The following ZCWPW2 variants were observed in gnomAD, a reference collection of about 807,000 sequenced individuals.
The protein encoded by ZCWPW2 is zinc finger CW-type PWWP domain protein 2.
A neutral mutation model predicts 46.6 loss-of-function variants in ZCWPW2; 45 were observed. The observed-to-expected ratio is 0.96, with a 90% CI of 0.76 to 1.24. ZCWPW2 has a LOEUF of 1.24. Among genes scored for constraint, ZCWPW2 ranks in the 50% most tolerant of loss-of-function variants. ZCWPW2 has a pLI of 0.00. For missense variants in ZCWPW2, 429 were observed against 403.9 expected (o/e 1.06, Z -0.53); for synonymous variants, 152 against 137.1 (o/e 1.11, Z -0.76).
At chr3:28,501,306 CTT>C (rs1301573537) in intron 6 of ZCWPW2, among the ~76,000 whole-genome samples, 1 of 152,112 alleles carries the variant, frequency 6.6e-6, no homozygotes, top group Admixed American at 6.6e-5. Flanking sequence ...GCAGAAGAGA[CTT>C]TCTTATTATG....
chr3:28,387,591 T>A lies in ZCWPW2; in HGVS notation c.-133-2907T>A, dbSNP rs534884402. 1.7e-3 allele frequency among the ~76,000 whole-genome samples: 266 copies of A among 152,372 alleles called. 1 individual carries two copies. The highest frequency in any genetic ancestry group is 6.3e-3 in the African/African-American group (260 of 41,590). ...AGTTTTTTCAAATATTAACATTTTA[T>A]TAGATTTGCTTTATTTATCTTTATG... On this transcript the variant is annotated intron_variant, in intron 1 of 9. Coordinates refer to ENST00000383768, the MANE Select transcript of ZCWPW2 (RefSeq NM_001040432.4).
At chr3:28,471,407 T>G (rs970300335) in intron 4 of ZCWPW2, among the ~76,000 whole-genome samples, 1 of 152,148 alleles carries the variant, frequency 6.6e-6, no homozygotes, top group Non-Finnish European at 1.5e-5. Flanking sequence ...TGATTCATTA[T>G]GATCAAGTGG....
intron 3 of ZCWPW2, among the ~76,000 whole-genome samples, chr3:28,420,516 C>G (rs892429906): frequency 6.6e-6 from 1 of 151,722 alleles, no homozygotes; most frequent in African/African-American, 2.4e-5. Context: ...TCCATGTGTT[C>G]TCATCATCAA....
At chr3:28,417,042 G>A (rs541553857) in intron 3 of ZCWPW2, among the ~76,000 whole-genome samples, 1 of 150,984 alleles carries the variant, frequency 6.6e-6, no homozygotes, top group East Asian at 1.9e-4. Flanking sequence ...AAATGAGTTA[G>A]GCAGGATTCC....
At chr3:28,453,371 A>G (rs1398860808) in intron 4 of ZCWPW2, among the ~76,000 whole-genome samples, 1 of 152,200 alleles carries the variant, frequency 6.6e-6, no homozygotes, top group African/African-American at 2.4e-5. Flanking sequence ...TTAAAAGTCC[A>G]AACTAAATAA....
At chr3:28,448,936 G>C (rs1048806245) in intron 4 of ZCWPW2, among the ~76,000 whole-genome samples, 1 of 150,762 alleles carries the variant, frequency 6.6e-6, no homozygotes, top group African/African-American at 2.4e-5. Flanking sequence ...AATTTATTTG[G>C]AATCTCAAGG....
intron 3 of ZCWPW2, among the ~76,000 whole-genome samples, chr3:28,421,834 TTGTGTGTGTGTGTGTGTGTG>T (rs71087697): frequency 8.2e-5 from 11 of 133,838 alleles, no homozygotes; most frequent in African/African-American, 2.0e-4. Context: ...GGAGAATAGT[TTGTGTGTGTGTGTGTGTGTG>T]TGTGTGTGTG....
At chr3:28,494,984 G>T (rs1433373530) in intron 6 of ZCWPW2, among the ~76,000 whole-genome samples, 4 of 151,890 alleles carry the variant, frequency 2.6e-5, no homozygotes, top group Non-Finnish European at 5.9e-5. Context: ...ATTCAATATT[G>T]TGAAAATGGC....
intron 6 of ZCWPW2, among the ~76,000 whole-genome samples, chr3:28,497,269 C>T (rs970322571): frequency 2.7e-5 from 4 of 150,576 alleles, no homozygotes; most frequent in African/African-American, 4.9e-5. Flanking sequence ...TGTGTATATA[C>T]GTGTAAATGT....
At chr3:28,351,287 C>T (rs1301808020) in intron 1 of ZCWPW2, among the ~76,000 whole-genome samples, 3 of 149,862 alleles carry the variant, frequency 2.0e-5, no homozygotes, top group Non-Finnish European at 3.0e-5. Flanking sequence ...ACAAAAGCTC[C>T]TTCTCCACTT....
chr3:28,515,792 T>C (rs909843119), intron 8 of ZCWPW2, among the ~76,000 whole-genome samples, 171 bp downstream of exon 8: 4 of 145,816 alleles, frequency 2.7e-5, no homozygotes, highest in Non-Finnish European at 4.4e-5. Flanking sequence ...TTTTTACACA[T>C]ATATATGTGT....
chr3:28,393,378 A>G (rs1406868712), intron 2 of ZCWPW2, among the ~76,000 whole-genome samples: 1 of 152,174 alleles, frequency 6.6e-6, no homozygotes, highest in Non-Finnish European at 1.5e-5. Flanking sequence ...ATTAATATCA[A>G]TCCTTCTTAA....
intron 1 of ZCWPW2, among the ~76,000 whole-genome samples, chr3:28,356,688 G>A (rs185843300): frequency 6.6e-6 from 1 of 152,168 alleles, no homozygotes; most frequent in Non-Finnish European, 1.5e-5. Context: ...AAAATGATGA[G>A]TTCATGTCCT....
chr3:28,484,824 A>G (rs2125810119), intron 5 of ZCWPW2, among the ~76,000 whole-genome samples: 1 of 150,196 alleles, frequency 6.7e-6, no homozygotes, highest in South Asian at 2.1e-4. Flanking sequence ...CTTCCTCTCT[A>G]GAGTCTCAAT....
intron 6 of ZCWPW2, among the ~76,000 whole-genome samples, chr3:28,513,422 A>C (rs1419515197): frequency 1.3e-5 from 2 of 152,064 alleles, no homozygotes; most frequent in African/African-American, 4.8e-5. Context: ...GCTTTTTGTC[A>C]TCTAATTCCC....
At chr3:28,413,942 A>AT (rs914454209) in intron 3 of ZCWPW2, among the ~76,000 whole-genome samples, 1 of 151,756 alleles carries the variant, frequency 6.6e-6, no homozygotes, top group African/African-American at 2.4e-5. Context: ...TACCTAAAAT[A>AT]TTTTTTTCTT....
At position 28,389,070 on chromosome 3, in the gene ZCWPW2, A is replaced by G. The variant is rs191131034; in HGVS notation, c.-133-1428A>G. On this transcript the variant is annotated intron_variant, in intron 1 of 9. Transcript: ENST00000383768. ...CAGCCTAAACTTCCAGTTCAATGGA[A>G]TCATTGTTGTGTCTCCTAGTGGAAG... is the stretch of plus-strand genomic sequence containing the variant. 2.4e-3 allele frequency among the ~76,000 whole-genome samples: 367 copies of G among 152,266 alleles called. 7 individuals are homozygous for G. Among genetic ancestry groups the G allele is most frequent in the Non-Finnish European group, 2.5e-4 (17 of 68,022 alleles).
At position 28,448,791 on chromosome 3, in the gene ZCWPW2, A is replaced by C. The variant is rs1409096814; in HGVS notation, c.492+13522A>C. On this transcript the variant is annotated intron_variant, in intron 4 of 9. Transcript: ENST00000383768. ...CCAAGTGAGACTCTGTCTCAAAAAA[A>C]AAAAAAAAAAAAAAAAAAAAAAAAA... Among the ~76,000 whole-genome samples the C allele has an allele frequency of 1.5e-4, 3 of 19,590 alleles. No individual in the cohort carries two copies. In the East Asian group the frequency reaches 4.1e-3, roughly 27 times the overall value. 12.9% of individuals were successfully genotyped at this position (19,590 alleles called of 152,430 possible).
chr3:28,391,843 C>T (rs1410177626), intron 2 of ZCWPW2, among the ~76,000 whole-genome samples: 3 of 152,088 alleles, frequency 2.0e-5, no homozygotes, highest in Non-Finnish European at 4.4e-5. Context: ...GACCAGGCCA[C>T]CACCCACCCA....
Sources: gnomAD v4.1 joint callset for allele counts (sites outside exome capture counted in the v4.1 genomes callset) on GRCh38, gnomAD v4.1.1 for gene constraint, MANE v1.5 for transcripts, NCBI Gene and HGNC (gene_info 2026-07-23, HGNC 2026-07-21) for gene names.